LHFPL3: variants seen among roughly 807,000 people sequenced by gnomAD.
The protein encoded by LHFPL3 is LHFPL tetraspan subfamily member 3 protein.
A neutral mutation model predicts 19.3 loss-of-function variants in LHFPL3; 5 were observed. That is an observed-to-expected ratio of 0.26 (90% CI 0.14 to 0.54). The LOEUF is 0.54. Ranked by LOEUF, LHFPL3 falls within the 20% of genes least tolerant of loss-of-function variation. LHFPL3 has a pLI of 0.94. For missense variants in LHFPL3, 249 were observed against 307.4 expected (o/e 0.81, Z 1.42); for synonymous variants, 133 against 126.2 (o/e 1.05, Z -0.36).
intron 2 of LHFPL3, among the ~76,000 whole-genome samples, chr7:104,860,085 G>A (rs978977152): frequency 6.6e-6 from 1 of 151,854 alleles, no homozygotes. Context: ...AATAAAGTAC[G>A]ACCCATAACC....
intron 1 of LHFPL3, among the ~76,000 whole-genome samples, chr7:104,426,234 T>C (rs1791841391): frequency 6.6e-6 from 1 of 151,238 alleles, no homozygotes; most frequent in African/African-American, 2.4e-5. Flanking sequence ...TTCTACACTA[T>C]GTTCTGTTTG....
intron 1 of LHFPL3, among the ~76,000 whole-genome samples, chr7:104,509,999 A>G (rs768150757): frequency 6.6e-6 from 1 of 152,138 alleles, no homozygotes; most frequent in Non-Finnish European, 1.5e-5. Context: ...GACTAAATAG[A>G]ATAAAAAATA....
At chr7:104,370,662 C>G (rs189008448) in intron 1 of LHFPL3, among the ~76,000 whole-genome samples, 1 of 152,054 alleles carries the variant, frequency 6.6e-6, no homozygotes, top group Non-Finnish European at 1.5e-5. Flanking sequence ...GCTGGTGGAT[C>G]GCCCGTGGTC....
At chr7:104,476,219 G>A (rs1456279735) in intron 1 of LHFPL3, among the ~76,000 whole-genome samples, 5 of 152,158 alleles carry the variant, frequency 3.3e-5, no homozygotes, top group South Asian at 2.1e-4. Context: ...AAGGTTTTCC[G>A]ACTTGAAGAT....
intron 2 of LHFPL3, among the ~76,000 whole-genome samples, chr7:104,811,587 G>A (rs926777533): frequency 6.6e-6 from 1 of 152,084 alleles, no homozygotes; most frequent in Non-Finnish European, 1.5e-5. Context: ...GGAAAAAAAA[G>A]CTCAAAAAAG....
At chr7:104,814,850 A>T (rs1385567533) in intron 2 of LHFPL3, among the ~76,000 whole-genome samples, 1 of 152,184 alleles carries the variant, frequency 6.6e-6, no homozygotes, top group Non-Finnish European at 1.5e-5. Flanking sequence ...TTACTCTGAG[A>T]TCAGAGCAGG....
intron 2 of LHFPL3, among the ~76,000 whole-genome samples, chr7:104,761,473 C>T (rs577958577): frequency 2.0e-4 from 30 of 152,190 alleles, no homozygotes; most frequent in African/African-American, 7.0e-4. Context: ...ACCAAAAATA[C>T]CTGCCATTTC....
intron 1 of LHFPL3, among the ~76,000 whole-genome samples, chr7:104,396,510 A>G (rs946059549): frequency 6.6e-6 from 1 of 152,108 alleles, no homozygotes; most frequent in African/African-American, 2.4e-5. Context: ...TTCCTCAAGG[A>G]AAGGATAACA....
chr7:104,720,375 T>C (rs1793465326), intron 1 of LHFPL3, among the ~76,000 whole-genome samples: 1 of 152,088 alleles, frequency 6.6e-6, no homozygotes, highest in Non-Finnish European at 1.5e-5. Context: ...CCTTATACCT[T>C]ATACAAAAAT....
At chr7:104,746,893 TA>T (rs1794056038) in intron 2 of LHFPL3, among the ~76,000 whole-genome samples, 1 of 152,236 alleles carries the variant, frequency 6.6e-6, no homozygotes, top group African/African-American at 2.4e-5. Flanking sequence ...TGCCCCTCAC[TA>T]CCTTGCCCTG....
At position 104,817,962 on chromosome 7, in the gene LHFPL3, A is replaced by G. The variant is rs1375839788; in HGVS notation, c.682+81051A>G. Among the ~76,000 whole-genome samples the G allele has an allele frequency of 2.6e-5, 4 of 152,298 alleles. No homozygotes were observed. In the East Asian group the frequency reaches 5.8e-4, roughly 22 times the overall value. On this transcript the variant is annotated intron_variant, in intron 2 of 2. Transcript: ENST00000424859. ...TACCATTCATTTCCAATGTAGTTGC[A>G]CTAGCTACATTTCAAGTGCTCCATA...
intron 2 of LHFPL3, among the ~76,000 whole-genome samples, chr7:104,834,781 T>C (rs1243997391): frequency 6.6e-6 from 1 of 152,010 alleles, no homozygotes; most frequent in Non-Finnish European, 1.5e-5. Flanking sequence ...CATGATGGTT[T>C]CGGTGGAACA....
At chr7:104,502,923 C>G (rs1438498594) in intron 1 of LHFPL3, among the ~76,000 whole-genome samples, 2 of 152,070 alleles carry the variant, frequency 1.3e-5, no homozygotes, top group Non-Finnish European at 2.9e-5. Context: ...AAAGGGCATT[C>G]TTTTACACTG....
intron 1 of LHFPL3, among the ~76,000 whole-genome samples, chr7:104,356,558 T>G (rs532870630): frequency 6.6e-6 from 1 of 152,122 alleles, no homozygotes; most frequent in East Asian, 1.9e-4. Context: ...GTGGAGTAGG[T>G]GGAGGTTGGA....
intron 1 of LHFPL3, among the ~76,000 whole-genome samples, chr7:104,431,471 A>G (rs1041661571): frequency 1.4e-4 from 21 of 151,928 alleles, no homozygotes; most frequent in African/African-American, 4.6e-4. Context: ...CTTTTCTTTG[A>G]TCCTTGCTTT....
intron 2 of LHFPL3, among the ~76,000 whole-genome samples, chr7:104,881,818 A>G (rs1422430946): frequency 6.6e-6 from 1 of 152,174 alleles, no homozygotes; most frequent in Non-Finnish European, 1.5e-5. Flanking sequence ...CTTATTTTAG[A>G]AATTCCACAG....
intron 1 of LHFPL3, among the ~76,000 whole-genome samples, chr7:104,494,804 C>T (rs1793426964): frequency 6.6e-6 from 1 of 152,130 alleles, no homozygotes; most frequent in Non-Finnish European, 1.5e-5. Context: ...CTGGCAGCTC[C>T]TCACCCAGGC....
intron 2 of LHFPL3, among the ~76,000 whole-genome samples, chr7:104,739,209 T>G (rs181642010): frequency 6.6e-6 from 1 of 152,356 alleles, no homozygotes; most frequent in African/African-American, 2.4e-5. Flanking sequence ...TAGTCAAACC[T>G]GCATGTTCCT....
chr7:104,370,539 A>C (rs1421103383), intron 1 of LHFPL3, among the ~76,000 whole-genome samples: 1 of 152,146 alleles, frequency 6.6e-6, no homozygotes, highest in African/African-American at 2.4e-5. Flanking sequence ...GCTAAGAAAC[A>C]ATAGTTTAAT....
Sources: allele counts gnomAD v4.1 joint callset (sites outside exome capture counted in the v4.1 genomes callset), GRCh38; gene constraint gnomAD v4.1.1; transcripts MANE v1.5; gene names NCBI Gene and HGNC (gene_info 2026-07-23, HGNC 2026-07-21).